The following NFILZ variants were observed in gnomAD, a reference collection of about 807,000 sequenced individuals.
The protein encoded by NFILZ is NFIL3 like protein.
intron 3 of NFILZ, among the ~76,000 whole-genome samples, chr19:8,656,427 C>CTGAA (rs1329893353): frequency 6.1e-5 from 2 of 32,966 alleles, no homozygotes; most frequent in African/African-American, 1.5e-4. Flanking sequence ...CACCTCTTTC[C>CTGAA]GCAGCCCACC....
chr19:8,656,420 C>CT (rs1600147587), intron 3 of NFILZ, among the ~76,000 whole-genome samples: 19 of 106,452 alleles, frequency 1.8e-4, no homozygotes, highest in East Asian at 5.5e-4. Context: ...TGAAACCCAC[C>CT]TCTTTCCGCA....
chr19:8,647,784 C>CGT lies in NFILZ; in HGVS notation c.-164+12039_-164+12040insTG, dbSNP rs1555747262. On this transcript the variant is annotated intron_variant, in intron 3 of 5. Transcript: ENST00000691075. ...ACACACACACACGCACACATGCGCG[C>CGT]GCGCGCGCGCGCACACACACACACA... 5.1e-3 allele frequency among the ~76,000 whole-genome samples: 445 copies of CGT among 87,962 alleles called. 6 individuals carry two copies. The highest frequency in any genetic ancestry group is 0.021 in the African/African-American group (420 of 20,478). 57.7% of individuals were successfully genotyped at this position (87,962 alleles called of 152,430 possible).
chr19:8,651,997 C>T (rs951029784), intron 3 of NFILZ, among the ~76,000 whole-genome samples: 12 of 152,068 alleles, frequency 7.9e-5, no homozygotes, highest in African/African-American at 1.4e-4. Context: ...AATACATCTA[C>T]GTCTTCCTGG....
chr19:8,657,204 G>A (rs556674220), intron 3 of NFILZ, among the ~76,000 whole-genome samples: 1 of 151,512 alleles, frequency 6.6e-6, no homozygotes, highest in Admixed American at 6.6e-5. Context: ...GAGTACAGTG[G>A]TATGATCTCG....
Sources: allele counts gnomAD v4.1 joint callset (sites outside exome capture counted in the v4.1 genomes callset), GRCh38; gene constraint gnomAD v4.1.1; transcripts MANE v1.5; gene names NCBI Gene and HGNC (gene_info 2026-07-23, HGNC 2026-07-21).